The following MAGI2 variants were observed in gnomAD, a reference collection of about 807,000 sequenced individuals.
MAGI2 encodes the protein membrane associated guanylate kinase, WW and PDZ domain containing 2.
Under a neutral mutation model 133.3 loss-of-function variants are expected in MAGI2, and 35 were observed. That is an observed-to-expected ratio of 0.26 (90% confidence interval 0.20 to 0.35). MAGI2 has a LOEUF of 0.35. Among genes scored for constraint, MAGI2 ranks in the 10% least tolerant of loss-of-function variants. The pLI, the probability that MAGI2 is intolerant of heterozygous loss-of-function variation, is 1.00. For synonymous variants in MAGI2, 729 were observed against 710.6 expected (o/e 1.03, Z -0.41); for missense variants, 1,636 against 1,863.4 (o/e 0.88, Z 2.25).
At chr7:79,019,909 G>A (rs1258139961) in intron 1 of MAGI2, among the ~76,000 whole-genome samples, 1 of 152,168 alleles carries the variant, frequency 6.6e-6, no homozygotes, top group African/African-American at 2.4e-5. Context: ...GGTACCAGGA[G>A]TGGGGTGCTG....
rs574537301 is a variant in MAGI2, at chr7:79,434,160, T to C, written c.301+18860A>G. The stretch of plus-strand genomic sequence containing the variant: ...AATTGAAGTCTCCCAATAAAGAAAA[T>C]CTCTTATTTTAAGTAAATTTCTAAG... On this transcript the variant is annotated intron_variant, in intron 1 of 21. Coordinates refer to ENST00000354212, the MANE Select transcript of MAGI2 (RefSeq NM_012301.4). 2.0e-5 allele frequency among the ~76,000 whole-genome samples: 3 copies of C among 151,530 alleles called. No individual in the cohort carries two copies. The East Asian group carries it at 5.8e-4, about 29-fold the overall frequency.
At chr7:79,019,837 G>T (rs1024837770) in intron 1 of MAGI2, among the ~76,000 whole-genome samples, 2 of 152,138 alleles carry the variant, frequency 1.3e-5, no homozygotes, top group African/African-American at 2.4e-5. Flanking sequence ...GAGCCACTGA[G>T]CCTGACCTAG....
rs567334314 is a variant in MAGI2 at position 78,570,976 on chromosome 7, G to C, written c.539-49331C>G. 1.9e-3 allele frequency among the ~76,000 whole-genome samples: 284 copies of C among 152,206 alleles called. 1 individual carries two copies. The highest frequency in any genetic ancestry group is 6.6e-3 in the African/African-American group (274 of 41,532). ...GTATTCTGAGGCTGGAGCAAAATTAGGTTACTTAAGATTGCACATATTTTA... is the reference window on the plus strand; with the variant it reads ...GTATTCTGAGGCTGGAGCAAAATTACGTTACTTAAGATTGCACATATTTTA... On this transcript the variant is annotated intron_variant, in intron 3 of 21. Coordinates refer to ENST00000354212, the MANE Select transcript of MAGI2 (RefSeq NM_012301.4).
Position 78,247,420 on chromosome 7 carries a change from C to A in MAGI2, c.2047+8523G>T, listed in dbSNP as rs148038645. 3.7e-3 allele frequency among the ~76,000 whole-genome samples: 561 copies of A among 152,100 alleles called. 3 individuals carry two copies. The highest frequency in any genetic ancestry group is 6.5e-3 in the Non-Finnish European group (440 of 67,990). Reference sequence around the variant, plus strand: ...TGAAAATATGACCCTACCAAAGGAACACAATAACTCTGTAACTAACCTCCA... The same window carrying A: ...TGAAAATATGACCCTACCAAAGGAAAACAATAACTCTGTAACTAACCTCCA... On this transcript the variant is annotated intron_variant, in intron 10 of 21. Coordinates refer to ENST00000354212, the MANE Select transcript of MAGI2 (RefSeq NM_012301.4).
rs79580645 is a variant in MAGI2 at position 78,506,272 on chromosome 7, G to A, written c.755-4485C>T. 3.8e-3 allele frequency among the ~76,000 whole-genome samples: 575 copies of A among 152,274 alleles called. 5 individuals carry two copies. The highest frequency in any genetic ancestry group is 0.013 in the African/African-American group (558 of 41,558). ...GGCTTTTCACTGAGATTGGAAACAG[G>A]GAAGGAGGAGTAGGATTCTGTGGGG... On this transcript the variant is annotated intron_variant, in intron 4 of 21. Transcript: ENST00000354212.
At chr7:78,454,995 C>T (rs959038466) in intron 6 of MAGI2, among the ~76,000 whole-genome samples, 3 of 152,118 alleles carry the variant, frequency 2.0e-5, no homozygotes, top group African/African-American at 7.2e-5. Flanking sequence ...GGAAACACAG[C>T]ATTATGCATT....
intron 9 of MAGI2, among the ~76,000 whole-genome samples, chr7:78,319,097 A>T (rs1291927658): frequency 1.3e-5 from 2 of 152,228 alleles, no homozygotes; most frequent in Non-Finnish European, 2.9e-5. Context: ...TAATGACAGG[A>T]TCAAATTCAC....
intron 1 of MAGI2, among the ~76,000 whole-genome samples, chr7:79,217,856 G>C (rs1436463644): frequency 1.3e-5 from 2 of 151,892 alleles, no homozygotes; most frequent in Non-Finnish European, 2.9e-5. Flanking sequence ...GTCAATAAAT[G>C]GTGGTTATTA....
At chr7:79,101,072 GCT>G (rs778294071) in intron 1 of MAGI2, among the ~76,000 whole-genome samples, 2 of 151,936 alleles carry the variant, frequency 1.3e-5, no homozygotes, top group Non-Finnish European at 2.9e-5. Context: ...CAAAGCAAAA[GCT>G]CTTTCATTAA....
intron 2 of MAGI2, among the ~76,000 whole-genome samples, chr7:78,863,915 T>C (rs1022833004): frequency 1.3e-5 from 2 of 152,288 alleles, no homozygotes; most frequent in Non-Finnish European, 2.9e-5. Context: ...CTCTTTACAA[T>C]CATTGAAGAA....
At position 79,209,169 on chromosome 7, in the gene MAGI2, A is replaced by G. The variant is rs140544956; in HGVS notation, c.302-201963T>C. On this transcript the variant is annotated intron_variant, in intron 1 of 21. Transcript: ENST00000354212. The stretch of plus-strand genomic sequence containing the variant: ...TAAAAAATGCTAAGAAAGTGGATAT[A>G]AAGTGTTCTCACTATAAAAATAATA... 7.7e-3 allele frequency among the ~76,000 whole-genome samples: 1,176 copies of G among 152,046 alleles called. 22 individuals are homozygous for G. Among genetic ancestry groups the G allele is most frequent in the African/African-American group, 0.027 (1,106 of 41,344 alleles).
intron 6 of MAGI2, among the ~76,000 whole-genome samples, chr7:78,461,422 G>A (rs1790004771): frequency 6.7e-6 from 1 of 148,432 alleles, no homozygotes; most frequent in African/African-American, 2.5e-5. Context: ...GTGTGTGTGT[G>A]TGTTGGGATA....
At chr7:78,361,626 T>C (rs1792821612) in intron 7 of MAGI2, among the ~76,000 whole-genome samples, 1 of 152,210 alleles carries the variant, frequency 6.6e-6, no homozygotes, top group South Asian at 2.1e-4. Context: ...AGGTGAATAA[T>C]TCATTGTTAT....
intron 1 of MAGI2, among the ~76,000 whole-genome samples, chr7:79,324,323 C>G (rs1024795665): frequency 8.0e-5 from 12 of 149,682 alleles, no homozygotes; most frequent in African/African-American, 2.9e-4. Flanking sequence ...AAACTTAGGT[C>G]TTACATTAAA....
chr7:79,164,944 A>C (rs1824772018), intron 1 of MAGI2, among the ~76,000 whole-genome samples: 1 of 152,112 alleles, frequency 6.6e-6, no homozygotes, highest in Non-Finnish European at 1.5e-5. Flanking sequence ...CTAAATTAGT[A>C]AGCCAAACAC....
At chr7:78,165,034 G>A (rs1825487610) in intron 15 of MAGI2, among the ~76,000 whole-genome samples, 1 of 152,124 alleles carries the variant, frequency 6.6e-6, no homozygotes, top group African/African-American at 2.4e-5. Context: ...TGACTATTTG[G>A]TAAATAAAAC....
At chr7:79,325,599 T>C (rs927588995) in intron 1 of MAGI2, among the ~76,000 whole-genome samples, 2 of 152,140 alleles carry the variant, frequency 1.3e-5, no homozygotes, top group African/African-American at 4.8e-5. Flanking sequence ...AGCAGATCCA[T>C]AGAGCTTCAT....
intron 1 of MAGI2, among the ~76,000 whole-genome samples, chr7:79,190,098 A>C (rs1827521661): frequency 6.6e-6 from 1 of 151,796 alleles, no homozygotes; most frequent in African/African-American, 2.4e-5. Context: ...ATTTGTGCAC[A>C]GTTTTTTTGT....
intron 6 of MAGI2, among the ~76,000 whole-genome samples, chr7:78,380,276 A>G (rs1472104691): frequency 6.6e-6 from 1 of 152,156 alleles, no homozygotes; most frequent in Non-Finnish European, 1.5e-5. Flanking sequence ...GTTAAGTCAT[A>G]TATAACAAAG....
Sources: allele counts gnomAD v4.1 joint callset (sites outside exome capture counted in the v4.1 genomes callset), GRCh38; gene constraint gnomAD v4.1.1; transcripts MANE v1.5; gene names NCBI Gene and HGNC (gene_info 2026-07-23, HGNC 2026-07-21).